Variants in ANKS1B observed in about 807,000 individuals in gnomAD.
The protein encoded by ANKS1B is ankyrin repeat and sterile alpha motif domain-containing protein 1B.
Under a neutral mutation model 148.3 loss-of-function variants are expected in ANKS1B, and 36 were observed. The observed-to-expected ratio is 0.24, with a 90% CI of 0.19 to 0.32. The LOEUF is 0.32. Among genes scored for constraint, ANKS1B ranks in the 10% least tolerant of loss-of-function variants. The pLI, the probability that ANKS1B is intolerant of heterozygous loss-of-function variation, is 1.00. For missense variants in ANKS1B, 1,157 were observed against 1,542.6 expected, an observed-to-expected ratio of 0.75 and a Z score of 4.19; for synonymous variants, 542 against 560.8, an observed-to-expected ratio of 0.97 and a Z score of 0.47.
chr12:98,960,117 C>A (rs2099868722), intron 17 of ANKS1B, among the ~76,000 whole-genome samples: 1 of 152,176 alleles, frequency 6.6e-6, no homozygotes, highest in African/African-American at 2.4e-5. Flanking sequence ...TTGTAGAACC[C>A]TAGGGCTATG....
chr12:99,421,017 A>T (rs750581365), intron 11 of ANKS1B, among the ~76,000 whole-genome samples: 34 of 152,336 alleles, frequency 2.2e-4, no homozygotes, highest in Non-Finnish European at 4.7e-4. Flanking sequence ...TAGTATTTGC[A>T]TTCACAAAAT....
chr12:98,769,727 ATACTT>A (rs894796011), intron 25 of ANKS1B, among the ~76,000 whole-genome samples: 1 of 152,198 alleles, frequency 6.6e-6, no homozygotes, highest in African/African-American at 2.4e-5. Context: ...ATGTGGAAAA[ATACTT>A]TAGATACTCT....
intron 15 of ANKS1B, among the ~76,000 whole-genome samples, chr12:99,142,791 A>T (rs1383131372): frequency 1.3e-5 from 2 of 152,106 alleles, no homozygotes; most frequent in Admixed American, 1.3e-4. Flanking sequence ...CTATTTATTC[A>T]GCAGTTCTTA....
Position 99,782,093 on chromosome 12 carries a change from T to A in ANKS1B, c.674A>T (p.Glu225Val), listed in dbSNP as rs1172112249. The A allele has an allele frequency of 6.3e-7, 1 of 1,597,924 alleles. No individual in the cohort carries two copies. Residue 225 changes from glutamate (E) to valine (V), a missense_variant, in exon 5 of 27, where the codon GAA becomes GTA. This residue lies in a region of ANKS1B where 26 missense variants were observed against 83.4 expected (regional missense o/e 0.31). Transcript: ENST00000683438. ...TGCTTCATGAAGTGCACTCCCCTTT[T>A]CTGTCTGGAAAAAAAAAAGTAAGAA... ...EAGMDVSCQTEKGSALHEAAL... is the reference protein window; with the variant it reads ...EAGMDVSCQTVKGSALHEAAL...
chr12:98,870,704 T>C (rs1486576837), intron 17 of ANKS1B, among the ~76,000 whole-genome samples: 1 of 152,216 alleles, frequency 6.6e-6, no homozygotes, highest in Non-Finnish European at 1.5e-5. Context: ...ATGCAAACAC[T>C]TGGCTGTCAG....
intron 17 of ANKS1B, among the ~76,000 whole-genome samples, chr12:99,022,123 A>G (rs2099946155): frequency 1.3e-5 from 2 of 152,222 alleles, no homozygotes; most frequent in African/African-American, 4.8e-5. Flanking sequence ...TCCCAGGCAC[A>G]CAGTTACAGC....
At chr12:99,290,491 G>A (rs2079811014) in intron 12 of ANKS1B, among the ~76,000 whole-genome samples, 1 of 151,868 alleles carries the variant, frequency 6.6e-6, no homozygotes, top group South Asian at 2.1e-4. Flanking sequence ...TATCCCTGAT[G>A]AACATTGATG....
At chr12:99,890,267 C>T (rs1217611748) in intron 1 of ANKS1B, among the ~76,000 whole-genome samples, 1 of 152,138 alleles carries the variant, frequency 6.6e-6, no homozygotes, top group Non-Finnish European at 1.5e-5. Flanking sequence ...AATCAGTAGA[C>T]TTTTAGTAAA....
chr12:98,750,050 A>G (rs1022749559), intron 26 of ANKS1B, among the ~76,000 whole-genome samples: 3 of 152,056 alleles, frequency 2.0e-5, no homozygotes, highest in Non-Finnish European at 4.4e-5. Context: ...AAAATCAGGA[A>G]TTGTGTCCTG....
intron 24 of ANKS1B, among the ~76,000 whole-genome samples, chr12:98,774,142 A>G (rs2098641042): frequency 6.6e-6 from 1 of 152,192 alleles, no homozygotes; most frequent in Non-Finnish European, 1.5e-5. Flanking sequence ...TTTCCTAACT[A>G]CATCCACTGT....
chr12:99,952,962 A>G (rs893420672), intron 1 of ANKS1B, among the ~76,000 whole-genome samples: 6 of 152,182 alleles, frequency 3.9e-5, no homozygotes, highest in Non-Finnish European at 7.4e-5. Context: ...CACTCTCTCC[A>G]TTTGCTTTTG....
chr12:99,544,796 G>A (rs1256219754), intron 9 of ANKS1B, among the ~76,000 whole-genome samples: 1 of 152,092 alleles, frequency 6.6e-6, no homozygotes, highest in Non-Finnish European at 1.5e-5. Context: ...CCAGCACCTG[G>A]TCCCATGCTG....
At chr12:99,794,460 T>TACACACACACATACACAC (rs1555616402) in intron 4 of ANKS1B, among the ~76,000 whole-genome samples, 1 of 143,562 alleles carries the variant, frequency 7.0e-6, no homozygotes, top group Non-Finnish European at 1.5e-5. Flanking sequence ...GAAAATGTGG[T>TACACACACACATACACAC]ACACACACAC....
At chr12:99,354,901 A>G (rs1229717883) in intron 12 of ANKS1B, among the ~76,000 whole-genome samples, 3 of 152,164 alleles carry the variant, frequency 2.0e-5, no homozygotes, top group African/African-American at 2.4e-5. Flanking sequence ...AGCATATCCA[A>G]CGGTGTTTGT....
At chr12:99,751,984 G>A (rs1024905030) in intron 8 of ANKS1B, among the ~76,000 whole-genome samples, 2 of 151,902 alleles carry the variant, frequency 1.3e-5, no homozygotes, top group Non-Finnish European at 2.9e-5. Flanking sequence ...CTGAAAGACT[G>A]GTGAAAGAGA....
At chr12:98,742,879 C>T (rs1317086627), downstream of ANKS1B, among the ~76,000 whole-genome samples, 1 of 152,296 alleles carries the variant, frequency 6.6e-6, no homozygotes, top group East Asian at 1.9e-4. Flanking sequence ...GGCCAGTGGG[C>T]CTTGCTGCAT....
At chr12:99,800,118 G>A (rs1440806442) in intron 4 of ANKS1B, among the ~76,000 whole-genome samples, 3 of 152,002 alleles carry the variant, frequency 2.0e-5, no homozygotes, top group African/African-American at 4.8e-5. Context: ...TTGGATATAT[G>A]GCCTTTCTGG....
rs376425517 is a variant in ANKS1B, at chr12:98,843,940, T to A, written c.2779-11804A>T. 3.1e-4 allele frequency among the ~76,000 whole-genome samples: 47 copies of A among 152,228 alleles called. No individual in the cohort carries two copies. In the South Asian group the frequency reaches 9.3e-3, roughly 30 times the overall value. ...AATCAGTTTTCTGAGTGCCCAGATA[T>A]GAGAAGAGGAAATGTTGAAGACGGG... On this transcript the variant is annotated intron_variant, in intron 17 of 26. Transcript: ENST00000683438.
At chr12:99,222,314 T>C (rs1007209908) in intron 14 of ANKS1B, among the ~76,000 whole-genome samples, 1 of 152,178 alleles carries the variant, frequency 6.6e-6, no homozygotes, top group Admixed American at 6.5e-5. Context: ...TTATACTTTC[T>C]TACATTAAAA....
Sources: allele counts gnomAD v4.1 joint callset (sites outside exome capture counted in the v4.1 genomes callset), GRCh38; gene constraint gnomAD v4.1.1; regional missense constraint gnomAD v4.1.1; transcripts MANE v1.5; gene names NCBI Gene and HGNC (gene_info 2026-07-23, HGNC 2026-07-21).